The following YWHAQ variants were observed in gnomAD, a reference collection of about 807,000 sequenced individuals.
The protein encoded by YWHAQ is tyrosine 3-monooxygenase/tryptophan 5-monooxygenase activation protein theta.
Under a neutral mutation model 28.3 loss-of-function variants are expected in YWHAQ, and 6 were observed. That is an observed-to-expected ratio of 0.21 (90% CI 0.12 to 0.42). The LOEUF (loss-of-function observed/expected upper bound fraction) is 0.42. Ranked by LOEUF, YWHAQ falls within the 10% of genes least tolerant of loss-of-function variation. The pLI, the probability that YWHAQ is intolerant of heterozygous loss-of-function variation, is 1.00. For missense variants in YWHAQ, 201 were observed against 305.6 expected (o/e 0.66, Z 2.55); for synonymous variants, 143 against 119.1 (o/e 1.20, Z -1.31).
intron 5 of YWHAQ, 137 bp downstream of exon 5, chr2:9,587,277 T>G (rs555822455): frequency 2.9e-6 from 2 of 697,262 alleles, no homozygotes; most frequent in Non-Finnish European, 4.5e-6. Context: ...AAAATAATGT[T>G]CGTCCCATAA....
At chr2:9,617,168 T>TAGCCAAGATGGTCTCCATCTC (rs1667056191) in intron 2 of YWHAQ, among the ~76,000 whole-genome samples, 1 of 151,624 alleles carries the variant, frequency 6.6e-6, no homozygotes, top group African/African-American at 2.4e-5. Context: ...TTCACCATGT[T>TAGCCAAGATGGTCTCCATCTC]AGCCAAGATG....
At chr2:9,602,862 A>ATAT (rs58272723) in intron 2 of YWHAQ, among the ~76,000 whole-genome samples, 2 of 20,856 alleles carry the variant, frequency 9.6e-5, no homozygotes, top group Admixed American at 9.3e-4. Context: ...AAAAAAAAAA[A>ATAT]ATATATATAT....
chr2:9,588,402 C>A, intron 3 of YWHAQ, 74 bp from the exon 4 acceptor site: 1 of 1,509,178 alleles, frequency 6.6e-7, no homozygotes, highest in Non-Finnish European at 8.9e-7. Context: ...ACAACTTGAA[C>A]ATATGCTACT....
intron 2 of YWHAQ, among the ~76,000 whole-genome samples, chr2:9,596,997 G>A (rs1036333495): frequency 5.9e-5 from 9 of 152,182 alleles, no homozygotes; most frequent in African/African-American, 2.2e-4. Context: ...TGTGTTATGT[G>A]TCAGAATATA....
At chr2:9,610,424 C>T (rs1666920500) in intron 2 of YWHAQ, among the ~76,000 whole-genome samples, 1 of 152,176 alleles carries the variant, frequency 6.6e-6, no homozygotes, top group Admixed American at 6.5e-5. Context: ...TTGTGTCATA[C>T]AGCATGACAC....
chr2:9,605,140 C>CTTTTTT (rs35332379), intron 2 of YWHAQ, among the ~76,000 whole-genome samples: 9 of 138,426 alleles, frequency 6.5e-5, no homozygotes, highest in Non-Finnish European at 9.2e-5. Flanking sequence ...TCTGTTCTCT[C>CTTTTTT]TTTTTTTTTT....
chr2:9,590,207 C>T (rs1355604650), intron 3 of YWHAQ, among the ~76,000 whole-genome samples: 1 of 152,232 alleles, frequency 6.6e-6, no homozygotes, highest in Non-Finnish European at 1.5e-5. Flanking sequence ...ATGTCTCAAT[C>T]TCCCAAATAC....
At chr2:9,598,012 T>TTTTTTTTG (rs1553373009) in intron 2 of YWHAQ, among the ~76,000 whole-genome samples, 1 of 132,174 alleles carries the variant, frequency 7.6e-6, no homozygotes, top group African/African-American at 2.8e-5. Flanking sequence ...TTTTTTTTTT[T>TTTTTTTTG]TAGTAGAGAC....
At chr2:9,619,317 A>G (rs1667094974) in intron 2 of YWHAQ, among the ~76,000 whole-genome samples, 1 of 152,232 alleles carries the variant, frequency 6.6e-6, no homozygotes, top group East Asian at 1.9e-4. Context: ...GAGGTATACA[A>G]CCTTAAATCC....
chr2:9,605,273 G>A (rs921435853), intron 2 of YWHAQ, among the ~76,000 whole-genome samples: 1 of 151,746 alleles, frequency 6.6e-6, no homozygotes, highest in African/African-American at 2.4e-5. Flanking sequence ...AAGTAGCTGG[G>A]ACCACAGGCG....
At chr2:9,605,876 T>C (rs1023710740) in intron 2 of YWHAQ, among the ~76,000 whole-genome samples, 3 of 152,142 alleles carry the variant, frequency 2.0e-5, no homozygotes, top group African/African-American at 4.8e-5. Context: ...GTACATTCTT[T>C]TAAGGATTCA....
intron 2 of YWHAQ, among the ~76,000 whole-genome samples, chr2:9,627,179 A>G (rs537835157): frequency 7.2e-5 from 11 of 152,232 alleles, no homozygotes; most frequent in Non-Finnish European, 1.2e-4. Context: ...TTGTTCACAC[A>G]GTTATTTTGA....
intron 2 of YWHAQ, among the ~76,000 whole-genome samples, chr2:9,599,426 T>G (rs1111976): frequency 0.6 from 91,110 of 152,036 alleles, 29,547 homozygotes; most frequent in African/African-American, 0.81. Flanking sequence ...TGCCATCAAG[T>G]ACTTTCATAG....
At chr2:9,603,149 T>A (rs1024376176) in intron 2 of YWHAQ, among the ~76,000 whole-genome samples, 2 of 151,854 alleles carry the variant, frequency 1.3e-5, no homozygotes, top group African/African-American at 2.4e-5. Context: ...TAGTCAGATA[T>A]CTGCCTCTAA....
At chr2:9,590,142 A>G (rs1285950048) in intron 3 of YWHAQ, among the ~76,000 whole-genome samples, 1 of 152,238 alleles carries the variant, frequency 6.6e-6, no homozygotes, top group Non-Finnish European at 1.5e-5. Context: ...ACTACGTGTG[A>G]GACCTGAAAG....
chr2:9,617,928 A>C (rs1330607560), intron 2 of YWHAQ, among the ~76,000 whole-genome samples: 2 of 147,218 alleles, frequency 1.4e-5, no homozygotes, highest in Admixed American at 6.8e-5. Flanking sequence ...CCCTCTGCCA[A>C]AAAAAAAAAA....
At chr2:9,625,989 C>G (rs1174613834) in intron 2 of YWHAQ, among the ~76,000 whole-genome samples, 2 of 138,138 alleles carry the variant, frequency 1.4e-5, no homozygotes, top group Non-Finnish European at 3.0e-5. Flanking sequence ...AAATAATGAG[C>G]AGCGTAAGAC....
At position 9,593,905 on chromosome 2, in the gene YWHAQ, A is replaced by AT. The variant is rs1553372584; in HGVS notation, c.295-2391_295-2390insA. On this transcript the variant is annotated intron_variant, in intron 2 of 5. Coordinates refer to ENST00000238081, the MANE Select transcript of YWHAQ (RefSeq NM_006826.4). ...AAAATATTTTAAATAGATTAAAAAA[A>AT]ATATATATATATATATATACACACA... Among the ~76,000 whole-genome samples, 87 of 127,636 alleles carry AT rather than the reference A, an allele frequency of 6.8e-4. 1 individual carries two copies. Among genetic ancestry groups the AT allele is most frequent in the African/African-American group, 2.0e-3 (65 of 32,646 alleles). The allele number at this position is 127,636 out of a possible 152,430, so 83.7% of individuals were successfully genotyped here.
chr2:9,597,985 A>AT (rs547582835), intron 2 of YWHAQ, among the ~76,000 whole-genome samples: 1,117 of 62,458 alleles, frequency 0.018, 97 homozygotes, highest in East Asian at 0.059. Context: ...ATGCCGGGCT[A>AT]TTTTTTTTTT....
Sources: gnomAD v4.1 joint callset for allele counts (sites outside exome capture counted in the v4.1 genomes callset) on GRCh38, gnomAD v4.1.1 for gene constraint, MANE v1.5 for transcripts, NCBI Gene and HGNC (gene_info 2026-07-23, HGNC 2026-07-21) for gene names.